The following PWWP3A variants were observed in gnomAD, a reference collection of about 807,000 sequenced individuals.
PWWP3A encodes the protein PWWP domain-containing DNA repair factor 3A.
A neutral mutation model predicts 79.0 loss-of-function variants in PWWP3A; 53 were observed. The ratio of observed to expected loss-of-function variants is 0.67; its 90% CI spans 0.54 to 0.84. The LOEUF (loss-of-function observed/expected upper bound fraction) is 0.84. PWWP3A is among the 40% of genes least tolerant of loss of function. PWWP3A has a pLI of 0.00. For missense variants in PWWP3A, 973 were observed against 948.0 expected, an observed-to-expected ratio of 1.03 and a Z score of -0.35; for synonymous variants, 443 against 394.4, an observed-to-expected ratio of 1.12 and a Z score of -1.46.
chr19:1,371,938 G>A (rs1435154819), intron 12 of PWWP3A, among the ~76,000 whole-genome samples: 2 of 151,318 alleles, frequency 1.3e-5, no homozygotes, highest in African/African-American at 2.4e-5. Context: ...CCAAGTAGCT[G>A]GGACTACAGG....
rs1321845550 is a variant in PWWP3A at position 1,369,944 on chromosome 19, T to G, written c.1549+298T>G. Among the ~76,000 whole-genome samples the G allele has an allele frequency of 6.6e-6, 1 of 152,168 alleles. No individual in the cohort carries two copies. Among genetic ancestry groups the G allele is most frequent in the Non-Finnish European group, 1.5e-5 (1 of 68,026 alleles). ...TGCACACATCAGATGTTGTGAAGAA[T>G]GTAGGCCAGGTGCGGAGGCTCACAC... On this transcript the variant is annotated intron_variant, in intron 11 of 13. Coordinates refer to ENST00000591337, the MANE Select transcript of PWWP3A (RefSeq NM_001369789.1). The surrounding 1 kb of genome is among the most constrained non-coding windows in gnomAD (Gnocchi z 4.0).
chr19:1,367,156 C>T lies in PWWP3A; in HGVS notation c.1362-4C>T. The T allele has an allele frequency of 6.2e-7, 1 of 1,610,614 alleles. No individual in the cohort carries two copies. Among genetic ancestry groups the T allele is most frequent in the Non-Finnish European group, 8.5e-7 (1 of 1,178,210 alleles). The stretch of plus-strand genomic sequence containing the variant: ...TGTTAACTTTTCCCTCTCTCTGCTT[C>T]AAGTTTCACAGTGTCTCTTAAAAGT... On this transcript the variant is annotated splice_polypyrimidine_tract_variant and splice_region_variant and intron_variant, in intron 8 of 13. Transcript: ENST00000591337.
intron 13 of PWWP3A, among the ~76,000 whole-genome samples, chr19:1,374,602 A>G (rs2082326882): frequency 6.6e-6 from 1 of 152,184 alleles, no homozygotes; most frequent in Non-Finnish European, 1.5e-5. Context: ...TGGGGCGCAC[A>G]TCAGAGCCAG....
Position 1,360,713 on chromosome 19 carries a change from C to G in PWWP3A, c.792C>G (p.Pro264=). 1 of 1,613,488 alleles carries G rather than the reference C, an allele frequency of 6.2e-7. No individual in the cohort carries two copies. Among genetic ancestry groups the G allele is most frequent in the African/African-American group, 1.3e-5 (1 of 75,068 alleles). ...SLPSGVREDD[P]CANAEGHDPG... ...CCTCCGGGGTCAGGGAGGACGATCC[C>G]TGTGCCAACGCTGAGGGACACGACC... The change falls in exon 5 of 14, where the codon CCC becomes CCG. Residue 264 remains proline (P), a synonymous_variant. Coordinates refer to ENST00000591337, the MANE Select transcript of PWWP3A (RefSeq NM_001369789.1). The surrounding 1 kb of genome is among the most constrained non-coding windows in gnomAD (Gnocchi z 4.4).
At chr19:1,375,680 TTATAA>T (rs545168403) in intron 13 of PWWP3A, among the ~76,000 whole-genome samples, 258 of 141,670 alleles carry the variant, frequency 1.8e-3, no homozygotes, top group East Asian at 0.015. Context: ...ATGTACAATT[TTATAA>T]TATATAAAAC....
Position 1,369,869 on chromosome 19 carries a change from G to T in PWWP3A, c.1549+223G>T, listed in dbSNP as rs1282091820. Among the ~76,000 whole-genome samples, 1 of 152,152 alleles carries T rather than the reference G, an allele frequency of 6.6e-6. No individual in the cohort carries two copies. The highest frequency in any genetic ancestry group is 1.5e-5 in the Non-Finnish European group (1 of 68,026). Reference sequence around the variant, plus strand: ...CACAGCATCCCGAGCCTGCCCTGGGGCCCTCATCCCATGGGCCACATCCAG... The same window carrying T: ...CACAGCATCCCGAGCCTGCCCTGGGTCCCTCATCCCATGGGCCACATCCAG... On this transcript the variant is annotated intron_variant, in intron 11 of 13. Transcript: ENST00000591337. The surrounding 1 kb of genome is among the most constrained non-coding windows in gnomAD (Gnocchi z 4.0).
At position 1,364,229 on chromosome 19, in the gene PWWP3A, C is replaced by T. The variant is rs2144724880; in HGVS notation, c.1214-280C>T. ...AGCCCCAGCCGCCCCTCGTGGCACC[C>T]CTCCCATCCCAAGGGTGCGTTTGTC... On this transcript the variant is annotated intron_variant, in intron 6 of 13. Transcript: ENST00000591337. 8.3e-6 allele frequency: 5 copies of T among 605,278 alleles called. No individual in the cohort carries two copies. The East Asian group carries it at 1.1e-4, about 14-fold the overall frequency. The allele number at this position is 605,278 out of a possible 1,614,324, so 37.5% of individuals were successfully genotyped here.
At position 1,357,082 on chromosome 19, in the gene PWWP3A, C is replaced by T. The variant is rs1221958798; in HGVS notation, c.131C>T (p.Ser44Phe). Residue 44 changes from serine (S) to phenylalanine (F), a missense_variant, in exon 3 of 14, where the codon TCT becomes TTT. Ser to Phe is a radical substitution (Grantham distance 155). Transcript: ENST00000591337. ...TATTTTCTAGCTGTGCAAATCCTCT[C>T]TCTAGAGGAAAAGTTAAGTGTTGTG... ...KEYFLAVQIL[S>F]LEEKIKVKST... 3 of 1,608,666 alleles carry T rather than the reference C, an allele frequency of 1.9e-6. No individual in the cohort carries two copies. The highest frequency in any genetic ancestry group is 2.5e-6 in the Non-Finnish European group (3 of 1,177,300).
rs772533822 is a variant in PWWP3A at position 1,360,322 on chromosome 19, ACTC to A, written c.405_407del (p.Ser137del). ...CATGTCTCCTCGCCCTGTGATTCGA[ACTC>A]CTCATCTCTTCCCCGCGGAGACGTG... On this transcript the variant is annotated inframe_deletion, in exon 5 of 14. Transcript: ENST00000591337. The surrounding 1 kb of genome is among the most constrained non-coding windows in gnomAD (Gnocchi z 4.4). 5 of 1,613,590 alleles carry A rather than the reference ACTC, an allele frequency of 3.1e-6. No individual in the cohort carries two copies. Among genetic ancestry groups the A allele is most frequent in the Admixed American group, 1.7e-5 (1 of 59,980 alleles).
At chr19:1,374,422 C>A (rs929827938) in intron 13 of PWWP3A, 5 of 152,240 alleles carry the variant, frequency 3.3e-5, no homozygotes, top group Admixed American at 3.3e-4. Flanking sequence ...TTGGGTCACA[C>A]ACTGGGCGTC....
intron 6 of PWWP3A, chr19:1,364,240 A>C (rs2082082003): frequency 1.6e-6 from 1 of 618,890 alleles, no homozygotes; most frequent in East Asian, 3.6e-5. Flanking sequence ...CTCCCATCCC[A>C]AGGGTGCGTT....
intron 13 of PWWP3A, among the ~76,000 whole-genome samples, chr19:1,376,295 G>GTTTTT (rs754438911): frequency 0.011 from 719 of 66,852 alleles, 112 homozygotes; most frequent in Non-Finnish European, 0.015. Flanking sequence ...CCGGCTGTTT[G>GTTTTT]TTTTTTTTTT....
chr19:1,370,540 C>T (rs1368049882), intron 11 of PWWP3A, 102 bp from the exon 12 acceptor site: 6 of 1,089,474 alleles, frequency 5.5e-6, no homozygotes, highest in Non-Finnish European at 7.7e-6. Context: ...CTAGGGTCTG[C>T]CCCCATCCCT....
chr19:1,357,313 A>T (rs2081895723), intron 3 of PWWP3A: 3 of 484,090 alleles, frequency 6.2e-6, no homozygotes, highest in African/African-American at 2.0e-5. Flanking sequence ...ATTCTGTGAG[A>T]TCTATGGAGA....
chr19:1,375,526 A>ATT (rs1422721702), intron 13 of PWWP3A, among the ~76,000 whole-genome samples: 73 of 110,914 alleles, frequency 6.6e-4, no homozygotes, highest in African/African-American at 2.4e-3. Context: ...AAAATCATAT[A>ATT]ATTTATATAT....
Position 1,377,731 on chromosome 19 carries a change from C to G in PWWP3A, c.*1155C>G, listed in dbSNP as rs953225795. On this transcript the variant is annotated 3_prime_UTR_variant, in exon 14 of 14. Transcript: ENST00000591337. ...CAGTGCTGGTGACATGTCCAGGGTTCCAGGGCCCGGTGGCCTGGGAGCTGC... is the reference window on the plus strand; with the variant it reads ...CAGTGCTGGTGACATGTCCAGGGTTGCAGGGCCCGGTGGCCTGGGAGCTGC... 6.6e-6 allele frequency: 1 copy of G among 152,446 alleles called. No individual in the cohort carries two copies. Among genetic ancestry groups the G allele is most frequent in the Non-Finnish European group, 1.5e-5 (1 of 68,214 alleles). The allele number at this position is 152,446 out of a possible 1,614,324, so 9.4% of individuals were successfully genotyped here.
Position 1,362,277 on chromosome 19 carries a change from G to C in PWWP3A, c.1139G>C (p.Gly380Ala). ...TGCCAGTCTTCCGAAGAGTCCATGG[G>C]GTCTAATTCCATGCGTTCTATCCTG... ...KECQSSEESM[G>A]SNSMRSILEE... The change falls in exon 6 of 14, where the codon GGG becomes GCG. Residue 380 changes from glycine (G) to alanine (A), a missense_variant. Physicochemically the swap from Gly to Ala is moderately conservative, Grantham distance 60. Coordinates refer to ENST00000591337, the MANE Select transcript of PWWP3A (RefSeq NM_001369789.1). 6.2e-7 allele frequency: 1 copy of C among 1,613,960 alleles called. No homozygotes were observed. Among genetic ancestry groups the C allele is most frequent in the Non-Finnish European group, 8.5e-7 (1 of 1,179,968 alleles).
chr19:1,359,982 GA>G, intron 4 of PWWP3A, 153 bp from the exon 5 acceptor site: 1 of 731,030 alleles, frequency 1.4e-6, no homozygotes, highest in Admixed American at 3.7e-5. Flanking sequence ...TCCTTTTTGG[GA>G]AAATGTAGGT....
At chr19:1,359,646 G>A (rs1206047221) in intron 4 of PWWP3A, 2 of 152,578 alleles carry the variant, frequency 1.3e-5, no homozygotes, top group Non-Finnish European at 2.9e-5. Flanking sequence ...CCCTTGCAAA[G>A]AAGTATTGAA....
Sources: allele counts gnomAD v4.1 joint callset (sites outside exome capture counted in the v4.1 genomes callset), GRCh38; gene constraint gnomAD v4.1.1; non-coding constraint Gnocchi (gnomAD v3.1); transcripts MANE v1.5; gene names NCBI Gene and HGNC (gene_info 2026-07-23, HGNC 2026-07-21).